The following DYM variants were observed in gnomAD, a reference collection of about 807,000 sequenced individuals.
DYM encodes dyggve-Melchior-Clausen syndrome protein.
Under a neutral mutation model 93.1 loss-of-function variants are expected in DYM, and 78 were observed. The ratio of observed to expected loss-of-function variants is 0.84; its 90% CI spans 0.70 to 1.01. The LOEUF is 1.01. Among genes scored for constraint, DYM ranks in the 50% least tolerant of loss-of-function variants. The pLI, the probability that DYM is intolerant of heterozygous loss-of-function variation, is 0.00. For synonymous variants in DYM, 321 were observed against 319.7 expected (o/e 1.00, Z -0.04); for missense variants, 789 against 845.0 (o/e 0.93, Z 0.82).
chr18:49,076,390 C>T (rs1005575835), intron 17 of DYM, among the ~76,000 whole-genome samples: 16 of 152,138 alleles, frequency 1.1e-4, no homozygotes, highest in Non-Finnish European at 2.1e-4. Flanking sequence ...AACATGCTAT[C>T]GTAATAGTTC....
rs185910594 is a variant in DYM, at chr18:49,045,627, G to A, written c.2026-1423C>T. ...TCATGGAAGGTAAATCTTCATGGAG[G>A]AGAGAGACAGAAACAGCAGCAGCAG... On this transcript the variant is annotated intron_variant, in intron 17 of 17. Transcript: ENST00000675505. Among the ~76,000 whole-genome samples the A allele has an allele frequency of 8.5e-4, 130 of 152,350 alleles. 1 individual carries two copies. The highest frequency in any genetic ancestry group is 1.5e-3 in the Non-Finnish European group (101 of 68,042).
At chr18:49,321,095 T>C (rs994180072) in intron 8 of DYM, 2 of 311,692 alleles carry the variant, frequency 6.4e-6, no homozygotes, top group Non-Finnish European at 1.2e-5. Flanking sequence ...ACTTCATTTT[T>C]CAAAGAATAA....
intron 15 of DYM, among the ~76,000 whole-genome samples, chr18:49,140,118 C>T (rs2084308451): frequency 6.6e-6 from 1 of 151,992 alleles, no homozygotes; most frequent in Non-Finnish European, 1.5e-5. Flanking sequence ...ACAGAGGGCT[C>T]TACATAAGTA....
At chr18:49,327,820 T>A (rs2063009631) in intron 8 of DYM, among the ~76,000 whole-genome samples, 1 of 152,178 alleles carries the variant, frequency 6.6e-6, no homozygotes, top group Non-Finnish European at 1.5e-5. Flanking sequence ...ACATCTATCT[T>A]GAGTATGAGC....
intron 8 of DYM, among the ~76,000 whole-genome samples, chr18:49,304,695 C>G (rs1162213484): frequency 6.6e-6 from 1 of 152,192 alleles, no homozygotes; most frequent in African/African-American, 2.4e-5. Flanking sequence ...GCCCATCAGA[C>G]TACTCCATCC....
At chr18:49,431,029 A>C (rs2080277647) in intron 1 of DYM, among the ~76,000 whole-genome samples, 1 of 152,218 alleles carries the variant, frequency 6.6e-6, no homozygotes, top group African/African-American at 2.4e-5. Context: ...AAATCATAAT[A>C]ATGGTAACTT....
chr18:49,289,727 G>GTATATATATATATA (rs386387632), intron 8 of DYM, among the ~76,000 whole-genome samples: 12 of 85,080 alleles, frequency 1.4e-4, no homozygotes, highest in African/African-American at 3.5e-4. Flanking sequence ...ATATATATGT[G>GTATATATATATATA]TATATATATA....
At chr18:49,452,650 G>GACA (rs1600386582) in intron 1 of DYM, among the ~76,000 whole-genome samples, 3 of 140,040 alleles carry the variant, frequency 2.1e-5, no homozygotes, top group African/African-American at 5.5e-5. Flanking sequence ...TCACTGCCGT[G>GACA]GGCTCCTGCG....
chr18:49,216,133 G>A (rs137857271), intron 13 of DYM, among the ~76,000 whole-genome samples: 6,193 of 152,270 alleles, frequency 0.041, 405 homozygotes, highest in African/African-American at 0.14. Context: ...CTACACCCAC[G>A]GAGTCTCACT....
chr18:49,042,865 C>T lies in DYM; in HGVS notation c.*1190G>A, dbSNP rs1316382924. On this transcript the variant is annotated 3_prime_UTR_variant, in exon 18 of 18. Transcript: ENST00000675505. ...CTCAGGCACCAACACACGGATCACA[C>T]CGGCCCAGAAACAAAGAGCAAAACA... 1 of 152,216 alleles carries T rather than the reference C, an allele frequency of 6.6e-6. No individual in the cohort carries two copies. The highest frequency in any genetic ancestry group is 6.5e-5 in the Admixed American group (1 of 15,282). The allele number at this position is 152,216 out of a possible 1,614,324, so 9.4% of individuals were successfully genotyped here. A position where few individuals can be genotyped will look rare whatever the true frequency, so the allele number is the denominator to read the frequency against.
chr18:49,402,177 C>A (rs1470580633), intron 2 of DYM, among the ~76,000 whole-genome samples: 1 of 152,140 alleles, frequency 6.6e-6, no homozygotes, highest in South Asian at 2.1e-4. Flanking sequence ...CAACCTCAAC[C>A]TCACACCCTC....
chr18:49,450,920 T>G (rs183689223), intron 1 of DYM, among the ~76,000 whole-genome samples: 2 of 151,382 alleles, frequency 1.3e-5, no homozygotes, highest in Admixed American at 6.6e-5. Flanking sequence ...TTTCAACAGG[T>G]GTCCTCAAAT....
chr18:49,390,393 G>A lies in DYM; in HGVS notation c.193+1200C>T, dbSNP rs375809275. ...TGCAGTGAGCCACAATGGCACCAGTGCACTCCAGCCTGGGCAGCAAAGCAA... is the reference window on the plus strand; with the variant it reads ...TGCAGTGAGCCACAATGGCACCAGTACACTCCAGCCTGGGCAGCAAAGCAA... On this transcript the variant is annotated intron_variant, in intron 3 of 17. Coordinates refer to ENST00000675505, the MANE Select transcript of DYM (RefSeq NM_001353214.3). 6.6e-5 allele frequency among the ~76,000 whole-genome samples: 10 copies of A among 151,938 alleles called. No homozygotes were observed. In the East Asian group the frequency reaches 9.7e-4, roughly 15 times the overall value.
At chr18:49,274,012 A>G (rs1464217782) in intron 10 of DYM, among the ~76,000 whole-genome samples, 1 of 152,122 alleles carries the variant, frequency 6.6e-6, no homozygotes, top group African/African-American at 2.4e-5. Context: ...TTGTATTCAG[A>G]TACAATTTAC....
intron 3 of DYM, among the ~76,000 whole-genome samples, chr18:49,380,998 CTTTT>C (rs34916711): frequency 4.7e-5 from 7 of 148,560 alleles, no homozygotes; most frequent in Non-Finnish European, 9.0e-5. Flanking sequence ...ATTTGAACTT[CTTTT>C]TTTTTTAACA....
intron 2 of DYM, among the ~76,000 whole-genome samples, chr18:49,392,916 A>C (rs1438725054): frequency 3.3e-5 from 5 of 149,518 alleles, no homozygotes; most frequent in African/African-American, 9.8e-5. Context: ...AATTGCTTGA[A>C]CCCAGGAGGC....
chr18:49,433,765 G>A (rs1375848009), intron 1 of DYM, among the ~76,000 whole-genome samples: 1 of 152,118 alleles, frequency 6.6e-6, no homozygotes, highest in Admixed American at 6.5e-5. Flanking sequence ...CTCCTCAGGA[G>A]GCTAAGGCAC....
intron 3 of DYM, among the ~76,000 whole-genome samples, chr18:49,387,368 C>G (rs971221573): frequency 2.6e-5 from 4 of 152,066 alleles, no homozygotes; most frequent in African/African-American, 7.2e-5. Flanking sequence ...CCTCTGCCTT[C>G]CGGGTTCAAG....
In DYM at chr18:49,264,662, A is replaced by G. The variant is rs1208762530; in HGVS notation, c.1252-6169T>C. Among the ~76,000 whole-genome samples, 5 of 152,232 alleles carry G rather than the reference A, an allele frequency of 3.3e-5. No individual in the cohort carries two copies. The East Asian group carries it at 7.7e-4, about 24-fold the overall frequency. On this transcript the variant is annotated intron_variant, in intron 11 of 17. Transcript: ENST00000675505. ...TTTCTATTACTTTGCCCATTTTTCTATCGAATACTTTGTGTTACGTATAAG... is the reference window on the plus strand; with the variant it reads ...TTTCTATTACTTTGCCCATTTTTCTGTCGAATACTTTGTGTTACGTATAAG...
Sources: allele counts gnomAD v4.1 joint callset (sites outside exome capture counted in the v4.1 genomes callset), GRCh38; gene constraint gnomAD v4.1.1; transcripts MANE v1.5; gene names NCBI Gene and HGNC (gene_info 2026-07-23, HGNC 2026-07-21).